MYO7B: variants seen among roughly 807,000 people sequenced by gnomAD.
MYO7B encodes myosin VIIB, also known as unconventional myosin-VIIb.
In MYO7B, 212 loss-of-function variants were observed where a neutral mutation model predicts 259.7. That is an observed-to-expected ratio of 0.82 (90% CI 0.73 to 0.91). The LOEUF is 0.91. Among genes scored for constraint, MYO7B ranks in the 40% least tolerant of loss-of-function variants. MYO7B has a pLI of 0.00. For missense variants in MYO7B, 2,732 were observed against 2,813.5 expected (o/e 0.97, Z 0.66); for synonymous variants, 1,197 against 1,166.4 (o/e 1.03, Z -0.54).
In MYO7B at chr2:127,608,767, GC is replaced by G. The variant is rs764072474; in HGVS notation, c.2704del (p.Arg902AlafsTer24). Reference protein sequence around the residue: ...KSQGALPAKKRRSIYDTVTDT... With the variant: ...KSQGALPAKKXRSIYDTVTDT... ...GCCAAGGCGCTCTCCCTGCCAAGAA[GC>G]GCAGATCCATCTACGACACCGTCAC... On this transcript the variant is annotated frameshift_variant, in exon 22 of 48. Coordinates refer to ENST00000409816, the MANE Select transcript of MYO7B (RefSeq NM_001393586.1). LOFTEE classifies it high-confidence loss of function. 15 of 1,613,470 alleles carry G rather than the reference GC, an allele frequency of 9.3e-6. No individual in the cohort carries two copies. Among genetic ancestry groups the G allele is most frequent in the Non-Finnish European group, 1.3e-5 (15 of 1,179,862 alleles).
chr2:127,636,553 G>C lies in MYO7B; in HGVS notation c.6132G>C (p.Ser2044=). 6.2e-7 allele frequency: 1 copy of C among 1,610,962 alleles called. No individual in the cohort carries two copies. The highest frequency in any genetic ancestry group is 8.5e-7 in the Non-Finnish European group (1 of 1,178,666). ...GSAFFEVKQT[S]EPSYPDVILI... Reference sequence around the variant, plus strand: ...GTGTCCCTCCCTCCCAGCAAACCTCGGAGCCTTCCTACCCGGACGTCATCC... The same window carrying C: ...GTGTCCCTCCCTCCCAGCAAACCTCCGAGCCTTCCTACCCGGACGTCATCC... Residue 2044 remains serine (S), a synonymous_variant, in exon 46 of 48, where the codon TCG becomes TCC. Coordinates refer to ENST00000409816, the MANE Select transcript of MYO7B (RefSeq NM_001393586.1). The surrounding 1 kb of genome is among the most constrained non-coding windows in gnomAD (Gnocchi z 4.5).
rs759023924 is a variant in MYO7B, at chr2:127,631,766, G to A, written c.5249+13G>A. ...ACAACTCCAACAGGTCTGCTGGGGC[G>A]GCGGCCAGCCCACGCGGGCACCCTC... On this transcript the variant is annotated intron_variant, in intron 38 of 47. Coordinates refer to ENST00000409816, the MANE Select transcript of MYO7B (RefSeq NM_001393586.1). 2.8e-5 allele frequency: 45 copies of A among 1,610,760 alleles called. No homozygotes were observed. Among genetic ancestry groups the A allele is most frequent in the Non-Finnish European group, 3.5e-5 (41 of 1,178,928 alleles).
In MYO7B at chr2:127,592,717, C is replaced by T. The variant is rs1470060367; in HGVS notation, c.1993-77C>T. 2.6e-6 allele frequency: 4 copies of T among 1,511,588 alleles called. No homozygotes were observed. The South Asian group carries it at 3.7e-5, about 14-fold the overall frequency. 93.6% of individuals were successfully genotyped at this position (1,511,588 alleles called of 1,614,324 possible). On this transcript the variant is annotated intron_variant, in intron 16 of 47. Transcript: ENST00000409816. ...TGACCTCTGGCTGTGGGCCCGTGCC[C>T]GGTGGTGGGGTGCCGGGAAGGGGGG...
At chr2:127,564,406 G>A (rs569613974) in intron 3 of MYO7B, 140 bp downstream of exon 3, 11 of 584,668 alleles carry the variant, frequency 1.9e-5, no homozygotes, top group African/African-American at 5.7e-5. Context: ...GACAGATCAC[G>A]GTGGAGTCCT....
chr2:127,544,681 C>T (rs368920502), intron 1 of MYO7B, among the ~76,000 whole-genome samples: 10 of 149,326 alleles, frequency 6.7e-5, no homozygotes, highest in African/African-American at 2.5e-4. Context: ...CCTGGGTTTA[C>T]GCCATTCTCC....
Position 127,609,736 on chromosome 2 carries a change from C to T in MYO7B, c.3024+21C>T, listed in dbSNP as rs751705253. On this transcript the variant is annotated intron_variant, in intron 23 of 47. Coordinates refer to ENST00000409816, the MANE Select transcript of MYO7B (RefSeq NM_001393586.1). This position sits in a 1 kb window ranked among gnomAD's most constrained non-coding sequence, Gnocchi z 6.9. ...GCTTGGTACCAGGGTTCACTGGCTT[C>T]TAGTGGATCAGGCCAGCCCCGAGCC... is the stretch of plus-strand genomic sequence containing the variant. 15 of 1,613,734 alleles carry T rather than the reference C, an allele frequency of 9.3e-6. No individual in the cohort carries two copies. The highest frequency in any genetic ancestry group is 2.7e-5 in the African/African-American group (2 of 74,928).
intron 36 of MYO7B, 125 bp from the exon 37 acceptor site, chr2:127,631,081 G>T: frequency 7.1e-7 from 1 of 1,411,838 alleles, no homozygotes; most frequent in Non-Finnish European, 9.4e-7. Context: ...GGGGAGTCAG[G>T]AGGGGCTTGC....
intron 9 of MYO7B, 65 bp from the exon 10 acceptor site, chr2:127,580,681 G>GTCGGGACCT (rs1324999881): frequency 6.7e-7 from 1 of 1,497,976 alleles, no homozygotes; most frequent in Non-Finnish European, 9.1e-7. Flanking sequence ...GCCCGGGCCA[G>GTCGGGACCT]TCGGGACCTT....
rs1680463786 is a variant in MYO7B at position 127,613,507 on chromosome 2, T to C, written c.3398+904T>C. Among the ~76,000 whole-genome samples the C allele has an allele frequency of 6.6e-6, 1 of 152,266 alleles. No individual in the cohort carries two copies. Among genetic ancestry groups the C allele is most frequent in the Non-Finnish European group, 1.5e-5 (1 of 68,046 alleles). On this transcript the variant is annotated intron_variant, in intron 26 of 47. Coordinates refer to ENST00000409816, the MANE Select transcript of MYO7B (RefSeq NM_001393586.1). This position sits in a 1 kb window ranked among gnomAD's most constrained non-coding sequence, Gnocchi z 4.3. ...TTTATATCCTTGAGCAGATTTACAG[T>C]AGTTTTTAAATCTTTTCTGCAAATC... is the stretch of plus-strand genomic sequence containing the variant.
intron 9 of MYO7B, among the ~76,000 whole-genome samples, chr2:127,580,179 A>G (rs1679043933): frequency 6.6e-6 from 1 of 152,200 alleles, no homozygotes; most frequent in African/African-American, 2.4e-5. Context: ...GAAAAAAAGC[A>G]AAAACAAAGA....
chr2:127,591,722 C>T (rs554428813), intron 16 of MYO7B, among the ~76,000 whole-genome samples: 2 of 152,316 alleles, frequency 1.3e-5, no homozygotes, highest in East Asian at 3.9e-4. Context: ...TCCCCAGGGT[C>T]CCTCAGAGAC....
chr2:127,625,111 C>CT (rs1681038606), intron 30 of MYO7B, among the ~76,000 whole-genome samples: 3 of 152,336 alleles, frequency 2.0e-5, no homozygotes, highest in African/African-American at 7.2e-5. Flanking sequence ...AGCAACCCTG[C>CT]TGGGTCCACC....
rs185635417 is a variant in MYO7B, at chr2:127,576,780, C to T, written c.849+72C>T. 9.9e-3 allele frequency: 11,160 copies of T among 1,130,192 alleles called. 80 individuals are homozygous for T. Among genetic ancestry groups the T allele is most frequent in the Admixed American group, 0.014 (650 of 47,524 alleles). The allele number at this position is 1,130,192 out of a possible 1,614,324, so 70.0% of individuals were successfully genotyped here. On this transcript the variant is annotated intron_variant, in intron 8 of 47. Transcript: ENST00000409816. The surrounding 1 kb of genome is among the most constrained non-coding windows in gnomAD (Gnocchi z 4.9). ...AAAAGAGCTTGTGCCGCTCCACCCT[C>T]CGCGACAGCTGCAGAGAAGCCCAAC...
Position 127,574,072 on chromosome 2 carries a change from C to T in MYO7B, c.735+10C>T, listed in dbSNP as rs770160841. 6.2e-7 allele frequency: 1 copy of T among 1,613,722 alleles called. No homozygotes were observed. On this transcript the variant is annotated intron_variant, in intron 7 of 47. Coordinates refer to ENST00000409816, the MANE Select transcript of MYO7B (RefSeq NM_001393586.1). Reference sequence around the variant, plus strand: ...CCGGGTCTGCCGGCAGGTGAGGCCTCCCCCTTCCCAGGTCGGGAGTTGAGG... The same window carrying T: ...CCGGGTCTGCCGGCAGGTGAGGCCTTCCCCTTCCCAGGTCGGGAGTTGAGG...
Position 127,590,124 on chromosome 2 carries a change from A to G in MYO7B, c.1887A>G (p.Leu629=). ...ACTCAAATAAACGGCCCTCCACCTTAGGAAGCCAGTTCAAACAGTCTCTGG... is the reference window on the plus strand; with the variant it reads ...ACTCAAATAAACGGCCCTCCACCTTGGGAAGCCAGTTCAAACAGTCTCTGG... ...SADSNKRPST[L]GSQFKQSLDQ... is the part of the protein sequence containing the mutation. Residue 629 remains leucine, a synonymous_variant, in exon 16 of 48, where the codon TTA becomes TTG. Coordinates refer to ENST00000409816, the MANE Select transcript of MYO7B (RefSeq NM_001393586.1). The surrounding 1 kb of genome is among the most constrained non-coding windows in gnomAD (Gnocchi z 4.6). The G allele has an allele frequency of 6.2e-7, 1 of 1,602,600 alleles. No individual in the cohort carries two copies. Among genetic ancestry groups the G allele is most frequent in the Non-Finnish European group, 8.5e-7 (1 of 1,175,158 alleles).
At chr2:127,623,004 G>A (rs1007607861) in intron 28 of MYO7B, among the ~76,000 whole-genome samples, 198 bp from the exon 29 acceptor site, 7 of 152,186 alleles carry the variant, frequency 4.6e-5, no homozygotes, top group African/African-American at 1.4e-4. Context: ...TGCTTCCAGC[G>A]GCAAACACCT....
Position 127,559,700 on chromosome 2 carries a change from G to T in MYO7B, c.-23G>T, listed in dbSNP as rs199510820. 4 of 1,613,946 alleles carry T rather than the reference G, an allele frequency of 2.5e-6. No individual in the cohort carries two copies. The highest frequency in any genetic ancestry group is 3.4e-6 in the Non-Finnish European group (4 of 1,179,846). On this transcript the variant is annotated splice_region_variant and 5_prime_UTR_variant, in exon 2 of 48. Coordinates refer to ENST00000409816, the MANE Select transcript of MYO7B (RefSeq NM_001393586.1). This position sits in a 1 kb window ranked among gnomAD's most constrained non-coding sequence, Gnocchi z 4.1. ...CGTTCTGCTTTCTCTCTCCATACAG[G>T]CTTGTGGAACTGCTGACTCAGGATG...
In MYO7B at chr2:127,607,514, C is replaced by T; in HGVS notation, c.2643+90C>T. On this transcript the variant is annotated intron_variant, in intron 21 of 47. Transcript: ENST00000409816. This position sits in a 1 kb window ranked among gnomAD's most constrained non-coding sequence, Gnocchi z 4.4. ...AAGGAGTGAGCGGCTGTGTAGAGAG[C>T]TCACCAGAAGCGCTTTGGAAAATCC... is the stretch of plus-strand genomic sequence containing the variant. 4 of 1,186,732 alleles carry T rather than the reference C, an allele frequency of 3.4e-6. No homozygotes were observed. Among genetic ancestry groups the T allele is most frequent in the Non-Finnish European group, 4.7e-6 (4 of 847,020 alleles). 73.5% of individuals were successfully genotyped at this position (1,186,732 alleles called of 1,614,324 possible).
At position 127,635,895 on chromosome 2, in the gene MYO7B, G is replaced by A. The variant is rs771744721; in HGVS notation, c.5994G>A (p.Glu1998=). ...ACCTCACACGCCTGATGTCCTCGGA[G>A]GAGTGGAAAAAGGTCCCTGGTCGGG... ...PENLTRLMSS[E]EWKKSILLAY... is the part of the protein sequence containing the mutation. The change falls in exon 44 of 48, where the codon GAG becomes GAA. Residue 1998 remains glutamate, a synonymous_variant. Coordinates refer to ENST00000409816, the MANE Select transcript of MYO7B (RefSeq NM_001393586.1). 17 of 1,572,208 alleles carry A rather than the reference G, an allele frequency of 1.1e-5. No individual in the cohort carries two copies. The Middle Eastern group carries it at 5.0e-4, about 46-fold the overall frequency.
Sources: gnomAD v4.1 joint callset for allele counts (sites outside exome capture counted in the v4.1 genomes callset) on GRCh38, gnomAD v4.1.1 for gene constraint, Gnocchi (gnomAD v3.1) non-coding constraint, MANE v1.5 for transcripts, NCBI Gene and HGNC (gene_info 2026-07-23, HGNC 2026-07-21) for gene names.